The following ST8SIA6 variants were observed in gnomAD, a reference collection of about 807,000 sequenced individuals.
ST8SIA6 encodes the protein alpha-2,8-sialyltransferase 8F.
ST8SIA6 carries 39 observed loss-of-function variants against 33.6 expected under a neutral mutation model. That is an observed-to-expected ratio of 1.16 (90% confidence interval 0.90 to 1.52). The LOEUF (loss-of-function observed/expected upper bound fraction) is 1.52. ST8SIA6 is among the 40% of genes most tolerant of loss of function. The pLI, the probability that ST8SIA6 is intolerant of heterozygous loss-of-function variation, is 0.00. For synonymous variants in ST8SIA6, 172 were observed against 167.2 expected (o/e 1.03, Z -0.22); for missense variants, 441 against 443.8 (o/e 0.99, Z 0.06).
chr10:17,382,239 G>T (rs1850175785), intron 3 of ST8SIA6, among the ~76,000 whole-genome samples: 1 of 148,426 alleles, frequency 6.7e-6, no homozygotes, highest in Non-Finnish European at 1.5e-5. Flanking sequence ...TCCAATAAAA[G>T]AAGTTTCAGT....
At chr10:17,435,433 G>T (rs1437765233) in intron 2 of ST8SIA6, among the ~76,000 whole-genome samples, 1 of 152,170 alleles carries the variant, frequency 6.6e-6, no homozygotes, top group Non-Finnish European at 1.5e-5. Context: ...TGTGGCCTGG[G>T]ACAAGTTACT....
chr10:17,418,669 T>C (rs1403337553), intron 2 of ST8SIA6, among the ~76,000 whole-genome samples: 4 of 152,176 alleles, frequency 2.6e-5, no homozygotes, highest in African/African-American at 4.8e-5. Context: ...CCAATTGTTA[T>C]CATTTTCCTT....
intron 4 of ST8SIA6, among the ~76,000 whole-genome samples, chr10:17,341,440 C>T (rs765030012): frequency 2.0e-5 from 3 of 152,136 alleles, no homozygotes; most frequent in Non-Finnish European, 2.9e-5. Flanking sequence ...GATTTAACTT[C>T]TGTAGCTTCA....
intron 2 of ST8SIA6, among the ~76,000 whole-genome samples, chr10:17,413,747 T>C (rs924890684): frequency 3.3e-5 from 5 of 152,220 alleles, no homozygotes; most frequent in African/African-American, 1.2e-4. Context: ...TATGATTTTG[T>C]TCATGATAGT....
At chr10:17,355,911 C>T (rs1588832011) in intron 4 of ST8SIA6, among the ~76,000 whole-genome samples, 1 of 152,192 alleles carries the variant, frequency 6.6e-6, no homozygotes, top group Non-Finnish European at 1.5e-5. Context: ...GGCCTCATCA[C>T]TCCCAAATTG....
Position 17,316,349 on chromosome 10 carries a change from A to C in ST8SIA6, c.*4529T>G, listed in dbSNP as rs1847775371. Among the ~76,000 whole-genome samples the C allele has an allele frequency of 6.6e-6, 1 of 152,074 alleles. No homozygotes were observed. Among genetic ancestry groups the C allele is most frequent in the Admixed American group, 6.6e-5 (1 of 15,260 alleles). ...ATATATGTCCAGTAAGTTGCTTCTA[A>C]CTGCTGTATCATATTCCACACTATG... On this transcript the variant is annotated 3_prime_UTR_variant, in exon 8 of 8. Coordinates refer to ENST00000377602, the MANE Select transcript of ST8SIA6 (RefSeq NM_001004470.3).
At chr10:17,411,283 A>T (rs981107772) in intron 2 of ST8SIA6, among the ~76,000 whole-genome samples, 2 of 152,010 alleles carry the variant, frequency 1.3e-5, no homozygotes, top group African/African-American at 4.8e-5. Flanking sequence ...TCCCAGGTTC[A>T]AGCAATTCTT....
At chr10:17,422,154 A>G (rs1851798694) in intron 2 of ST8SIA6, among the ~76,000 whole-genome samples, 1 of 152,244 alleles carries the variant, frequency 6.6e-6, no homozygotes, top group Admixed American at 6.5e-5. Flanking sequence ...CAATAGAAAC[A>G]GTCTTTAATC....
At chr10:17,375,245 G>A (rs1370461010) in intron 3 of ST8SIA6, among the ~76,000 whole-genome samples, 1 of 152,294 alleles carries the variant, frequency 6.6e-6, no homozygotes, top group Admixed American at 6.5e-5. Flanking sequence ...CATCATTCTA[G>A]GCCAAGAAAA....
At chr10:17,325,331 TA>T (rs1479181607) in intron 6 of ST8SIA6, among the ~76,000 whole-genome samples, 1 of 146,898 alleles carries the variant, frequency 6.8e-6, no homozygotes, top group Non-Finnish European at 1.5e-5. Flanking sequence ...TACATATGTA[TA>T]ATATGTATAT....
chr10:17,322,219 AAAG>A (rs1362006430), intron 7 of ST8SIA6, among the ~76,000 whole-genome samples: 7 of 136,780 alleles, frequency 5.1e-5, no homozygotes, highest in South Asian at 2.5e-4. Context: ...AAGAGAAAGA[AAAG>A]AAAGAAAGAA....
chr10:17,429,004 G>T (rs542049474), intron 2 of ST8SIA6, among the ~76,000 whole-genome samples: 11 of 152,174 alleles, frequency 7.2e-5, no homozygotes, highest in African/African-American at 2.4e-4. Flanking sequence ...TTCCTGTTGT[G>T]TGTGGGGATT....
At chr10:17,322,190 G>C (rs1345039557) in intron 7 of ST8SIA6, among the ~76,000 whole-genome samples, 1 of 146,780 alleles carries the variant, frequency 6.8e-6, no homozygotes, top group Non-Finnish European at 1.5e-5. Context: ...AGGAGAGAAA[G>C]AGAGACAGAA....
intron 2 of ST8SIA6, among the ~76,000 whole-genome samples, chr10:17,413,066 G>C (rs551199292): frequency 1.3e-5 from 2 of 152,264 alleles, no homozygotes; most frequent in East Asian, 3.9e-4. Context: ...GAACTAAGGA[G>C]AATTTGAGAT....
At chr10:17,423,246 A>G (rs10508530) in intron 2 of ST8SIA6, among the ~76,000 whole-genome samples, 4,413 of 152,320 alleles carry the variant, frequency 0.029, 68 homozygotes, top group South Asian at 0.055. Context: ...GAAATTCACT[A>G]TATTTACAAT....
intron 4 of ST8SIA6, among the ~76,000 whole-genome samples, chr10:17,348,522 C>CTGAGAAACTGTGTCTTGCACAGGT (rs1848924050): frequency 1.3e-5 from 2 of 152,160 alleles, no homozygotes; most frequent in Non-Finnish European, 2.9e-5. Context: ...CGTCTGTGCT[C>CTGAGAAACTGTGTCTTGCACAGGT]TGAGAAACTG....
intron 3 of ST8SIA6, among the ~76,000 whole-genome samples, chr10:17,371,094 G>C (rs1423060994): frequency 6.6e-6 from 1 of 152,190 alleles, no homozygotes; most frequent in Non-Finnish European, 1.5e-5. Context: ...TTTAATTATA[G>C]ATGGGACATG....
At chr10:17,326,975 G>T in intron 6 of ST8SIA6, 39 bp downstream of exon 6, 1 of 1,415,812 alleles carries the variant, frequency 7.1e-7, no homozygotes, top group South Asian at 1.3e-5. Flanking sequence ...ATACCCAACT[G>T]ATCTATTGTT....
chr10:17,413,679 A>G (rs188703122), intron 2 of ST8SIA6, among the ~76,000 whole-genome samples: 25 of 152,292 alleles, frequency 1.6e-4, no homozygotes, highest in Admixed American at 4.6e-4. Context: ...AGAATAAACA[A>G]TTTTGATATT....
Sources: gnomAD v4.1 joint callset for allele counts (sites outside exome capture counted in the v4.1 genomes callset) on GRCh38, gnomAD v4.1.1 for gene constraint, MANE v1.5 for transcripts, NCBI Gene and HGNC (gene_info 2026-07-23, HGNC 2026-07-21) for gene names.